ST6GALNAC3: variants seen among roughly 807,000 people sequenced by gnomAD.
ST6GALNAC3 encodes ST6 N-acetylgalactosaminide alpha-2,6-sialyltransferase 3.
ST6GALNAC3 carries 25 observed loss-of-function variants against 32.7 expected under a neutral mutation model. The observed-to-expected ratio is 0.76, with a 90% CI of 0.56 to 1.07. ST6GALNAC3 has a LOEUF of 1.07. Among genes scored for constraint, ST6GALNAC3 ranks in the 50% least tolerant of loss-of-function variants. The pLI, the probability that ST6GALNAC3 is intolerant of heterozygous loss-of-function variation, is 0.00. For synonymous variants in ST6GALNAC3, 129 were observed against 133.1 expected, an observed-to-expected ratio of 0.97 and a Z score of 0.21; for missense variants, 355 against 382.4, an observed-to-expected ratio of 0.93 and a Z score of 0.60.
At position 76,543,587 on chromosome 1, in the gene ST6GALNAC3, A is replaced by G. The variant is rs541151505; in HGVS notation, c.624-83865A>G. On this transcript the variant is annotated intron_variant, in intron 3 of 4. Transcript: ENST00000328299. Reference sequence around the variant, plus strand: ...CATTACTTTTCTTTTATTGGCATTTACTTAAGAGTTCTAGAGCCATGCCCA... The same window carrying G: ...CATTACTTTTCTTTTATTGGCATTTGCTTAAGAGTTCTAGAGCCATGCCCA... Among the ~76,000 whole-genome samples, 44 of 152,292 alleles carry G rather than the reference A, an allele frequency of 2.9e-4. No homozygotes were observed. In the South Asian group the frequency reaches 8.3e-3, roughly 29 times the overall value.
In ST6GALNAC3 at chr1:76,381,168, T is replaced by TA. The variant is rs71852050; in HGVS notation, c.214-30822dup. ...ATTGTTAGAAAATAGTTTGGGCTGC[T>TA]AAAAAAAAAAAAAAAAAAGAAAAAA... On this transcript the variant is annotated intron_variant, in intron 2 of 4. Coordinates refer to ENST00000328299, the MANE Select transcript of ST6GALNAC3 (RefSeq NM_152996.4). 7.6e-3 allele frequency among the ~76,000 whole-genome samples: 682 copies of TA among 89,950 alleles called. 5 individuals carry two copies. The highest frequency in any genetic ancestry group is 0.02 in the Middle Eastern group (3 of 148). The allele number at this position is 89,950 out of a possible 152,430, so 59.0% of individuals were successfully genotyped here.
At chr1:76,443,138 T>G (rs953029724) in intron 3 of ST6GALNAC3, among the ~76,000 whole-genome samples, 4 of 151,950 alleles carry the variant, frequency 2.6e-5, no homozygotes, top group African/African-American at 4.8e-5. Context: ...TCTTCTTCTG[T>G]TTTTTTTGTT....
At chr1:76,340,729 A>G (rs977697799) in intron 2 of ST6GALNAC3, among the ~76,000 whole-genome samples, 1 of 152,156 alleles carries the variant, frequency 6.6e-6, no homozygotes, top group African/African-American at 2.4e-5. Context: ...GTTTGGGAGT[A>G]GGACTTCCCC....
chr1:76,621,557 A>T (rs186716502), intron 3 of ST6GALNAC3, among the ~76,000 whole-genome samples: 1 of 152,164 alleles, frequency 6.6e-6, no homozygotes. Context: ...GCATTTCCAT[A>T]GCTCCCGACT....
intron 3 of ST6GALNAC3, among the ~76,000 whole-genome samples, chr1:76,569,063 A>G (rs1287730088): frequency 6.6e-6 from 1 of 152,118 alleles, no homozygotes; most frequent in African/African-American, 2.4e-5. Context: ...TCTGATATGC[A>G]TTTTGCAGAA....
At chr1:76,391,096 C>A (rs1211424570) in intron 2 of ST6GALNAC3, among the ~76,000 whole-genome samples, 1 of 151,350 alleles carries the variant, frequency 6.6e-6, no homozygotes, top group East Asian at 1.9e-4. Flanking sequence ...CCCACCACCA[C>A]GCAAGGCTAA....
At chr1:76,278,597 C>A (rs1383344804) in intron 1 of ST6GALNAC3, among the ~76,000 whole-genome samples, 1 of 150,580 alleles carries the variant, frequency 6.6e-6, no homozygotes, top group Non-Finnish European at 1.5e-5. Flanking sequence ...GAAACCAAAT[C>A]CCTGATGCAG....
At chr1:76,290,238 T>C (rs12126170) in intron 1 of ST6GALNAC3, among the ~76,000 whole-genome samples, 47,797 of 152,238 alleles carry the variant, frequency 0.31, 8,590 homozygotes, top group Non-Finnish European at 0.41. Context: ...TATTCATTTA[T>C]GCTCAGGTAA....
chr1:76,451,376 C>T (rs1226927675), intron 3 of ST6GALNAC3, among the ~76,000 whole-genome samples: 1 of 152,080 alleles, frequency 6.6e-6, no homozygotes, highest in Non-Finnish European at 1.5e-5. Flanking sequence ...CTTATAAAAC[C>T]ATCATTTCTC....
At chr1:76,244,905 T>C (rs1463190260) in intron 1 of ST6GALNAC3, among the ~76,000 whole-genome samples, 1 of 152,168 alleles carries the variant, frequency 6.6e-6, no homozygotes, top group African/African-American at 2.4e-5. Context: ...TGAAATTTTC[T>C]TTTTTTGTTG....
At chr1:76,549,148 C>T (rs1037716342) in intron 3 of ST6GALNAC3, among the ~76,000 whole-genome samples, 15 of 152,218 alleles carry the variant, frequency 9.9e-5, no homozygotes, top group South Asian at 2.1e-4. Context: ...AATAAAATAA[C>T]GAACACTCAA....
At chr1:76,183,652 A>G (rs1653333844) in intron 1 of ST6GALNAC3, among the ~76,000 whole-genome samples, 1 of 151,914 alleles carries the variant, frequency 6.6e-6, no homozygotes, top group African/African-American at 2.4e-5. Context: ...GCTATATGTT[A>G]TAGCCTATGA....
chr1:76,393,195 C>T (rs1213063666), intron 2 of ST6GALNAC3, among the ~76,000 whole-genome samples: 1 of 152,040 alleles, frequency 6.6e-6, no homozygotes, highest in Non-Finnish European at 1.5e-5. Context: ...GAAACAAAAC[C>T]CAATGCTATG....
chr1:76,372,853 G>A (rs992964339), intron 2 of ST6GALNAC3, among the ~76,000 whole-genome samples: 2 of 152,116 alleles, frequency 1.3e-5, no homozygotes, highest in Admixed American at 6.6e-5. Flanking sequence ...TCACAAAAGG[G>A]ATAGAAGTCA....
At chr1:76,306,613 C>T (rs746940200) in intron 1 of ST6GALNAC3, among the ~76,000 whole-genome samples, 3 of 150,838 alleles carry the variant, frequency 2.0e-5, no homozygotes, top group Non-Finnish European at 4.4e-5. Flanking sequence ...AAAAGCCAGT[C>T]CTAGAGAAAA....
intron 3 of ST6GALNAC3, among the ~76,000 whole-genome samples, chr1:76,557,245 T>C (rs959216757): frequency 1.3e-5 from 2 of 152,126 alleles, no homozygotes; most frequent in Non-Finnish European, 2.9e-5. Context: ...ATGTATTTCC[T>C]TCTTCCACTG....
At chr1:76,090,971 A>G (rs1400998479) in intron 1 of ST6GALNAC3, among the ~76,000 whole-genome samples, 1 of 152,174 alleles carries the variant, frequency 6.6e-6, no homozygotes, top group Non-Finnish European at 1.5e-5. Context: ...TGCCCTTTGT[A>G]CTTGGAAATG....
intron 1 of ST6GALNAC3, among the ~76,000 whole-genome samples, chr1:76,188,419 G>A (rs1653701242): frequency 6.6e-6 from 1 of 152,224 alleles, no homozygotes; most frequent in South Asian, 2.1e-4. Flanking sequence ...ATTATAGTGT[G>A]TGTGGGAGTG....
At chr1:76,264,450 A>G (rs919109058) in intron 1 of ST6GALNAC3, among the ~76,000 whole-genome samples, 14 of 152,326 alleles carry the variant, frequency 9.2e-5, no homozygotes, top group African/African-American at 3.1e-4. Context: ...TTCACTGAAT[A>G]GTAATTGTAG....
Sources: gnomAD v4.1 joint callset for allele counts (sites outside exome capture counted in the v4.1 genomes callset) on GRCh38, gnomAD v4.1.1 for gene constraint, MANE v1.5 for transcripts, NCBI Gene and HGNC (gene_info 2026-07-23, HGNC 2026-07-21) for gene names.